Variants in PDE7A observed in about 807,000 individuals in gnomAD.
The protein encoded by PDE7A is high affinity 3',5'-cyclic-AMP phosphodiesterase 7A.
PDE7A carries 39 observed loss-of-function variants against 64.3 expected under a neutral mutation model. That is an observed-to-expected ratio of 0.61 (90% CI 0.47 to 0.79). The LOEUF is 0.79. PDE7A is among the 30% of genes least tolerant of loss of function. The pLI, the probability that PDE7A is intolerant of heterozygous loss-of-function variation, is 0.00. For synonymous variants in PDE7A, 203 were observed against 206.8 expected (o/e 0.98, Z 0.16); for missense variants, 470 against 582.8 (o/e 0.81, Z 1.99).
chr8:65,723,299 T>C (rs1206007937), intron 12 of PDE7A: 2 of 259,718 alleles, frequency 7.7e-6, no homozygotes, highest in African/African-American at 2.2e-5. Context: ...GATTCTTATT[T>C]ACATAAGAAC....
chr8:65,805,422 C>A (rs1288231911), intron 1 of PDE7A, among the ~76,000 whole-genome samples: 1 of 152,032 alleles, frequency 6.6e-6, no homozygotes, highest in Non-Finnish European at 1.5e-5. Context: ...CAGAGATTAC[C>A]CTATATAAAG....
intron 1 of PDE7A, among the ~76,000 whole-genome samples, chr8:65,811,535 A>C (rs1359792223): frequency 1.3e-5 from 2 of 152,254 alleles, no homozygotes; most frequent in Non-Finnish European, 2.9e-5. Flanking sequence ...GCAGAGAGCA[A>C]GATGAAGAGT....
chr8:65,800,529 G>A (rs1809961597), intron 1 of PDE7A, among the ~76,000 whole-genome samples: 1 of 152,174 alleles, frequency 6.6e-6, no homozygotes, highest in Non-Finnish European at 1.5e-5. Flanking sequence ...TCACTGGGGA[G>A]GCCAGGATTT....
At position 65,727,216 on chromosome 8, in the gene PDE7A, T is replaced by G; in HGVS notation, c.782A>C (p.Gln261Pro). ...THDLDHPGVN[Q>P]PFLIKTNHYL... Reference sequence around the variant, plus strand: ...ATGGTTAGTTTTAATAAGGAAAGGTTGATTAACACCTGGATGATCCAGATC... The same window carrying G: ...ATGGTTAGTTTTAATAAGGAAAGGTGGATTAACACCTGGATGATCCAGATC... The change falls in exon 8 of 13, where the codon CAA becomes CCA. Residue 261 changes from glutamine (Q) to proline (P), a missense_variant. Gln to Pro is a moderately conservative substitution (Grantham distance 76, BLOSUM62 -1). Coordinates refer to ENST00000401827, the MANE Select transcript of PDE7A (RefSeq NM_001242318.3). 6.2e-7 allele frequency: 1 copy of G among 1,613,614 alleles called. No individual in the cohort carries two copies. The highest frequency in any genetic ancestry group is 1.1e-5 in the South Asian group (1 of 91,062).
At chr8:65,785,317 A>G (rs530037409) in intron 1 of PDE7A, among the ~76,000 whole-genome samples, 22 of 152,200 alleles carry the variant, frequency 1.4e-4, no homozygotes, top group Non-Finnish European at 2.5e-4. Context: ...GTGTGTAATT[A>G]TCATATATTC....
At chr8:65,740,210 C>T (rs373461306) in intron 5 of PDE7A, among the ~76,000 whole-genome samples, 4 of 152,034 alleles carry the variant, frequency 2.6e-5, no homozygotes, top group African/African-American at 4.8e-5. Flanking sequence ...GGCAGAATAT[C>T]GCTACAAACT....
At chr8:65,724,721 G>A (rs1220738721) in intron 10 of PDE7A, 56 bp downstream of exon 10, 2 of 1,424,482 alleles carry the variant, frequency 1.4e-6, no homozygotes, top group Non-Finnish European at 1.9e-6. Context: ...TCATTTTTTA[G>A]TTTGACAGTC....
intron 1 of PDE7A, among the ~76,000 whole-genome samples, chr8:65,825,200 T>TC (rs1810642156): frequency 6.6e-6 from 1 of 152,204 alleles, no homozygotes; most frequent in South Asian, 2.1e-4. Flanking sequence ...GGTCTTTACT[T>TC]CTTTACATTT....
intron 1 of PDE7A, among the ~76,000 whole-genome samples, chr8:65,825,735 T>C (rs1388754807): frequency 6.6e-6 from 1 of 152,152 alleles, no homozygotes; most frequent in Non-Finnish European, 1.5e-5. Context: ...ATTAAATGAG[T>C]AAGTTTTTCT....
chr8:65,769,416 A>G (rs1021207634), intron 3 of PDE7A, among the ~76,000 whole-genome samples: 31 of 152,232 alleles, frequency 2.0e-4, no homozygotes, highest in African/African-American at 7.5e-4. Context: ...ACTAACCCTG[A>G]GAGCATATTT....
Position 65,716,562 on chromosome 8 carries a change from C to T in PDE7A, c.*2728G>A, listed in dbSNP as rs977094889. On this transcript the variant is annotated 3_prime_UTR_variant, in exon 13 of 13. Transcript: ENST00000401827. ...GTGCACCCAAAGGGACATGGGTGCA[C>T]GAGGCAACTTGCTTCCCTTGCTCAG... Among the ~76,000 whole-genome samples, 3 of 152,084 alleles carry T rather than the reference C, an allele frequency of 2.0e-5. No homozygotes were observed. Among genetic ancestry groups the T allele is most frequent in the East Asian group, 1.9e-4 (1 of 5,198 alleles).
chr8:65,798,102 C>A (rs956096095), intron 1 of PDE7A, among the ~76,000 whole-genome samples: 2 of 147,382 alleles, frequency 1.4e-5, no homozygotes, highest in Non-Finnish European at 3.0e-5. Flanking sequence ...GTATGTAAGT[C>A]TGATAAAGAA....
intron 1 of PDE7A, among the ~76,000 whole-genome samples, chr8:65,804,785 C>T (rs1356418583): frequency 6.6e-6 from 1 of 152,088 alleles, no homozygotes; most frequent in East Asian, 1.9e-4. Flanking sequence ...GTGATCTACC[C>T]GCCTCGGCCT....
intron 1 of PDE7A, among the ~76,000 whole-genome samples, chr8:65,812,077 T>C (rs1432649016): frequency 7.9e-5 from 12 of 151,872 alleles, no homozygotes; most frequent in African/African-American, 2.4e-4. Context: ...GAGAGTGGCA[T>C]GTGTCTGTGG....
intron 9 of PDE7A, among the ~76,000 whole-genome samples, chr8:65,725,791 G>C (rs1207576541): frequency 6.6e-6 from 1 of 151,786 alleles, no homozygotes; most frequent in South Asian, 2.1e-4. Flanking sequence ...AACTCAACAG[G>C]GTTAATCATC....
intron 3 of PDE7A, among the ~76,000 whole-genome samples, chr8:65,768,585 T>G (rs1045373246): frequency 3.9e-5 from 6 of 152,216 alleles, no homozygotes; most frequent in Admixed American, 6.5e-5. Context: ...TGCCCAATCT[T>G]GGAATGTCTT....
Position 65,715,378 on chromosome 8 carries a change from AGTTT to A in PDE7A, c.*3908_*3911del, listed in dbSNP as rs1459927524. On this transcript the variant is annotated 3_prime_UTR_variant, in exon 13 of 13. Transcript: ENST00000401827. ...AAGAGAGACCCTGTCTCTATAAAAA[AGTTT>A]TTTTTTTTTTTTTGAGACAGAGTCT... Among the ~76,000 whole-genome samples the A allele has an allele frequency of 6.7e-6, 1 of 149,420 alleles. No individual in the cohort carries two copies. Among genetic ancestry groups the A allele is most frequent in the Admixed American group, 6.6e-5 (1 of 15,044 alleles).
Position 65,801,586 on chromosome 8 carries a change from T to C in PDE7A, c.139-18743A>G, listed in dbSNP as rs140930402. ...ACGGAATACAATGAGCAATAATCATTATATTCTACACTCATTTAAAAAAAA... is the reference window on the plus strand; with the variant it reads ...ACGGAATACAATGAGCAATAATCATCATATTCTACACTCATTTAAAAAAAA... On this transcript the variant is annotated intron_variant, in intron 1 of 12. Coordinates refer to ENST00000401827, the MANE Select transcript of PDE7A (RefSeq NM_001242318.3). Among the ~76,000 whole-genome samples the C allele has an allele frequency of 7.1e-4, 108 of 151,980 alleles. 1 individual carries two copies. The East Asian group carries it at 0.019, about 27-fold the overall frequency.
chr8:65,725,526 T>C (rs1806573920), intron 9 of PDE7A: 1 of 154,132 alleles, frequency 6.5e-6, no homozygotes, highest in Non-Finnish European at 1.5e-5. Context: ...AACATGTTAA[T>C]ATAAACAGCA....
Sources: gnomAD v4.1 joint callset for allele counts (sites outside exome capture counted in the v4.1 genomes callset) on GRCh38, gnomAD v4.1.1 for gene constraint, MANE v1.5 for transcripts, NCBI Gene and HGNC (gene_info 2026-07-23, HGNC 2026-07-21) for gene names.